KCNQ3: variants seen among roughly 807,000 people sequenced by gnomAD.
The protein encoded by KCNQ3 is potassium voltage-gated channel subfamily Q member 3.
KCNQ3 carries 30 observed loss-of-function variants against 92.5 expected under a neutral mutation model. The ratio of observed to expected loss-of-function variants is 0.32; its 90% CI spans 0.24 to 0.44. The LOEUF (loss-of-function observed/expected upper bound fraction) is 0.44, where lower values mean the gene tolerates loss of function less well. Ranked by LOEUF, KCNQ3 falls within the 20% of genes least tolerant of loss-of-function variation. The probability of loss-of-function intolerance (pLI) is 1.00; values close to 1 mark genes in which losing one functional copy is unlikely to be tolerated. For synonymous variants in KCNQ3, 450 were observed against 468.8 expected, an observed-to-expected ratio of 0.96 and a Z score of 0.52; for missense variants, 913 against 1,140.3, an observed-to-expected ratio of 0.80 and a Z score of 2.87.
At chr8:132,265,565 G>A (rs528376549) in intron 1 of KCNQ3, among the ~76,000 whole-genome samples, 91 of 152,302 alleles carry the variant, frequency 6.0e-4, no homozygotes, top group Non-Finnish European at 9.6e-4. Context: ...CTATGGAGAT[G>A]GGGGTTTTCC....
In KCNQ3 at chr8:132,309,179, C is replaced by T. The variant is rs542218502; in HGVS notation, c.387-122998G>A. Among the ~76,000 whole-genome samples, 11 of 152,274 alleles carry T rather than the reference C, an allele frequency of 7.2e-5. No individual in the cohort carries two copies. The South Asian group carries it at 1.5e-3, about 20-fold the overall frequency. On this transcript the variant is annotated intron_variant, in intron 1 of 14. Coordinates refer to ENST00000388996, the MANE Select transcript of KCNQ3 (RefSeq NM_004519.4). ...ATGCTTCCTGCCCTTGAACATCAGA[C>T]GCCAAGTTCTTCAGCTTTGGGACTT...
chr8:132,296,217 T>C (rs1293848454), intron 1 of KCNQ3, among the ~76,000 whole-genome samples: 4 of 152,118 alleles, frequency 2.6e-5, no homozygotes, highest in African/African-American at 9.6e-5. Context: ...GAAAATTCTC[T>C]TGGACAGTGC....
At chr8:132,198,390 G>T (rs1827366532) in intron 1 of KCNQ3, among the ~76,000 whole-genome samples, 1 of 152,174 alleles carries the variant, frequency 6.6e-6, no homozygotes, top group South Asian at 2.1e-4. Flanking sequence ...AAGTTTTGTG[G>T]CAGTTTGTTA....
chr8:132,381,004 C>A (rs1031943654), intron 1 of KCNQ3, among the ~76,000 whole-genome samples: 8 of 146,860 alleles, frequency 5.4e-5, no homozygotes, highest in Non-Finnish European at 9.0e-5. Flanking sequence ...GCTCCAGGAA[C>A]AAAGAAGGGA....
chr8:132,346,171 C>T (rs894239623), intron 1 of KCNQ3, among the ~76,000 whole-genome samples: 1 of 152,092 alleles, frequency 6.6e-6, no homozygotes, highest in Non-Finnish European at 1.5e-5. Context: ...TATGTCAGGG[C>T]ATGACCATCA....
rs184515541 is a variant in KCNQ3 at position 132,252,151 on chromosome 8, C to T, written c.387-65970G>A. The stretch of plus-strand genomic sequence containing the variant: ...TGCCCTTCAGCACACTCTTATTGGA[C>T]AGGCCTGTGTCCGGAATTGGTTCCT... On this transcript the variant is annotated intron_variant, in intron 1 of 14. Transcript: ENST00000388996. Among the ~76,000 whole-genome samples, 7 of 152,316 alleles carry T rather than the reference C, an allele frequency of 4.6e-5. No individual in the cohort carries two copies. The East Asian group carries it at 9.7e-4, about 21-fold the overall frequency.
rs2469629 is a variant in KCNQ3 at position 132,122,922 on chromosome 8, C to T, written c.*6340G>A. 31,906 of 152,164 alleles carry T rather than the reference C, an allele frequency of 0.21. 3,811 individuals carry two copies. The highest frequency in any genetic ancestry group is 0.31 in the Middle Eastern group (90 of 294). 9.4% of individuals were successfully genotyped at this position (152,164 alleles called of 1,614,324 possible). On this transcript the variant is annotated 3_prime_UTR_variant, in exon 15 of 15. Transcript: ENST00000388996. ...TAAGATGTCCTAAGTTGAGTCCTGTCTGCTTCTTTGTAGCTTTTGGTGAAG... is the reference window on the plus strand; with the variant it reads ...TAAGATGTCCTAAGTTGAGTCCTGTTTGCTTCTTTGTAGCTTTTGGTGAAG...
In KCNQ3 at chr8:132,125,851, TCAA is replaced by T. The variant is rs1193680786; in HGVS notation, c.*3408_*3410del. ...TTTCCAGTTCTAAAAACAAAGTTAT[TCAA>T]CAACACTTTCTCAATTTGATGTGTT... On this transcript the variant is annotated 3_prime_UTR_variant, in exon 15 of 15. Transcript: ENST00000388996. The T allele has an allele frequency of 3.9e-5, 6 of 152,332 alleles. 1 individual carries two copies. In the South Asian group the frequency reaches 1.2e-3, roughly 32 times the overall value. 9.4% of individuals were successfully genotyped at this position (152,332 alleles called of 1,614,324 possible). A position where few individuals can be genotyped will look rare whatever the true frequency, so the allele number is the denominator to read the frequency against.
At chr8:132,464,952 T>A (rs1246571804) in intron 1 of KCNQ3, among the ~76,000 whole-genome samples, 1 of 152,216 alleles carries the variant, frequency 6.6e-6, no homozygotes, top group African/African-American at 2.4e-5. Flanking sequence ...TTGATCAGTG[T>A]ATGTATACAA....
At chr8:132,303,388 C>T (rs1817284743) in intron 1 of KCNQ3, among the ~76,000 whole-genome samples, 1 of 150,678 alleles carries the variant, frequency 6.6e-6, no homozygotes, top group Admixed American at 6.6e-5. Context: ...TAAAGTGCAT[C>T]CATTACATAT....
chr8:132,453,507 G>A (rs527671449), intron 1 of KCNQ3, among the ~76,000 whole-genome samples: 18 of 152,278 alleles, frequency 1.2e-4, no homozygotes, highest in Middle Eastern at 3.4e-3. Flanking sequence ...TTACAGTAGA[G>A]CCTGGGGCCT....
chr8:132,479,065 T>A (rs1415872842), intron 1 of KCNQ3, among the ~76,000 whole-genome samples: 1 of 152,080 alleles, frequency 6.6e-6, no homozygotes, highest in African/African-American at 2.4e-5. Context: ...TCAGGATGAC[T>A]AAACCAGAGC....
intron 1 of KCNQ3, among the ~76,000 whole-genome samples, chr8:132,334,953 TA>T (rs1236277623): frequency 2.0e-5 from 3 of 152,222 alleles, no homozygotes; most frequent in African/African-American, 7.2e-5. Flanking sequence ...GTGGTCTTTC[TA>T]AAATCAAAAA....
At chr8:132,373,092 C>A (rs375937727) in intron 1 of KCNQ3, among the ~76,000 whole-genome samples, 1 of 152,172 alleles carries the variant, frequency 6.6e-6, no homozygotes, top group Non-Finnish European at 1.5e-5. Flanking sequence ...CATCTCCCTG[C>A]GCTTTCCCAG....
At chr8:132,396,949 C>CGTGTGTGT (rs112457824) in intron 1 of KCNQ3, among the ~76,000 whole-genome samples, 11 of 149,816 alleles carry the variant, frequency 7.3e-5, no homozygotes, top group African/African-American at 2.7e-4. Context: ...TGTGTGTGTG[C>CGTGTGTGT]GTGTGTGTGT....
At chr8:132,181,104 G>A (rs1826753745) in intron 3 of KCNQ3, among the ~76,000 whole-genome samples, 1 of 152,138 alleles carries the variant, frequency 6.6e-6, no homozygotes, top group African/African-American at 2.4e-5. Flanking sequence ...ATGGGATGCT[G>A]GTATCAGGAG....
chr8:132,460,259 G>A (rs1032248663), intron 1 of KCNQ3, among the ~76,000 whole-genome samples: 2 of 152,170 alleles, frequency 1.3e-5, no homozygotes, highest in East Asian at 1.9e-4. Context: ...TCAATGAGCT[G>A]ACAGCGCAAG....
At chr8:132,452,397 A>C (rs929573146) in intron 1 of KCNQ3, among the ~76,000 whole-genome samples, 1 of 152,160 alleles carries the variant, frequency 6.6e-6, no homozygotes, top group South Asian at 2.1e-4. Flanking sequence ...CTCAGGGTTC[A>C]TCCATGTTGT....
intron 1 of KCNQ3, among the ~76,000 whole-genome samples, chr8:132,325,464 G>A (rs2130647142): frequency 6.6e-6 from 1 of 152,294 alleles, no homozygotes; most frequent in South Asian, 2.1e-4. Flanking sequence ...TAGGACCTCA[G>A]AATGTGACTG....
Sources: gnomAD v4.1 joint callset for allele counts (sites outside exome capture counted in the v4.1 genomes callset) on GRCh38, gnomAD v4.1.1 for gene constraint, MANE v1.5 for transcripts, NCBI Gene and HGNC (gene_info 2026-07-23, HGNC 2026-07-21) for gene names.